PTPRD: variants seen among roughly 807,000 people sequenced by gnomAD.
The protein encoded by PTPRD is receptor-type tyrosine-protein phosphatase delta.
Under a neutral mutation model 214.5 loss-of-function variants are expected in PTPRD, and 34 were observed. That is an observed-to-expected ratio of 0.16 (90% CI 0.12 to 0.21). The LOEUF is 0.21. Ranked by LOEUF, PTPRD falls within the 10% of genes least tolerant of loss-of-function variation. PTPRD has a pLI of 1.00. For synonymous variants in PTPRD, 1,128 were observed against 845.7 expected (o/e 1.33, Z -5.79); for missense variants, 2,545 against 2,398.7 (o/e 1.06, Z -1.27).
chr9:8,534,240 C>A (rs749126119), intron 14 of PTPRD, among the ~76,000 whole-genome samples: 1 of 151,856 alleles, frequency 6.6e-6, no homozygotes, highest in Non-Finnish European at 1.5e-5. Context: ...AGAAGCATGA[C>A]CACATGACAA....
At chr9:9,789,474 A>C (rs916254426) in intron 5 of PTPRD, among the ~76,000 whole-genome samples, 24 of 152,252 alleles carry the variant, frequency 1.6e-4, no homozygotes, top group African/African-American at 5.8e-4. Context: ...ACTGAGGGGG[A>C]GATAATCGAC....
rs548792046 is a variant in PTPRD at position 10,333,764 on chromosome 9, T to C, written c.-545+7199A>G. Among the ~76,000 whole-genome samples the C allele has an allele frequency of 5.3e-5, 8 of 151,946 alleles. No homozygotes were observed. In the South Asian group the frequency reaches 1.7e-3, roughly 31 times the overall value. Reference sequence around the variant, plus strand: ...GAAGCACAGTGCTGTTAGAAAAGTCTTATTTCTTCTCCTGTACATTTTAGG... The same window carrying C: ...GAAGCACAGTGCTGTTAGAAAAGTCCTATTTCTTCTCCTGTACATTTTAGG... On this transcript the variant is annotated intron_variant, in intron 3 of 45. Coordinates refer to ENST00000381196, the MANE Select transcript of PTPRD (RefSeq NM_002839.4).
chr9:9,448,098 A>G (rs2091042176), intron 8 of PTPRD, among the ~76,000 whole-genome samples: 1 of 152,088 alleles, frequency 6.6e-6, no homozygotes. Context: ...GAAGAAAGGA[A>G]GGGTATGAAG....
intron 5 of PTPRD, among the ~76,000 whole-genome samples, chr9:9,773,925 T>C (rs2098774770): frequency 6.6e-6 from 1 of 152,318 alleles, no homozygotes. Context: ...TTAAATTATT[T>C]TTCCACCATA....
chr9:10,019,693 C>T (rs1398928167), intron 4 of PTPRD, among the ~76,000 whole-genome samples: 4 of 151,646 alleles, frequency 2.6e-5, no homozygotes, highest in East Asian at 1.9e-4. Context: ...AACTAAACAC[C>T]GCATGTTCTC....
rs111557185 is a variant in PTPRD at position 9,871,474 on chromosome 9, C to A, written c.-368+67033G>T. Among the ~76,000 whole-genome samples, 31 of 152,286 alleles carry A rather than the reference C, an allele frequency of 2.0e-4. 1 individual carries two copies. The highest frequency in any genetic ancestry group is 7.2e-4 in the African/African-American group (30 of 41,574). The stretch of plus-strand genomic sequence containing the variant: ...TAGTATACGAAAGGATGGGTGAAAA[C>A]CAAGAGAGATTGGATTCAGGGGAGC... On this transcript the variant is annotated intron_variant, in intron 5 of 45. Coordinates refer to ENST00000381196, the MANE Select transcript of PTPRD (RefSeq NM_002839.4).
intron 14 of PTPRD, among the ~76,000 whole-genome samples, chr9:8,557,455 T>TATATATATATACATACACATAC: frequency 7.4e-5 from 10 of 135,640 alleles, no homozygotes; most frequent in African/African-American, 3.5e-4. Flanking sequence ...TATATATATA[T>TATATATATATACATACACATAC]ATTTGGGCCG....
intron 5 of PTPRD, among the ~76,000 whole-genome samples, chr9:9,866,878 C>A (rs28424274): frequency 0.085 from 12,938 of 152,122 alleles, 1,316 homozygotes; most frequent in African/African-American, 0.25. Context: ...TCAAATGTAT[C>A]TAGAACAACA....
chr9:10,466,127 G>A (rs972926247), intron 2 of PTPRD, among the ~76,000 whole-genome samples: 7 of 151,952 alleles, frequency 4.6e-5, no homozygotes, highest in African/African-American at 1.2e-4. Flanking sequence ...TTTTCTTCAC[G>A]GTATTTGTTT....
chr9:9,801,566 C>A (rs1294036745), intron 5 of PTPRD, among the ~76,000 whole-genome samples: 1 of 151,992 alleles, frequency 6.6e-6, no homozygotes, highest in East Asian at 1.9e-4. Context: ...ATTTCTGTGG[C>A]CACTGGAGAG....
rs569170185 is a variant in PTPRD at position 8,655,316 on chromosome 9, T to C, written c.65-18472A>G. 3.3e-5 allele frequency among the ~76,000 whole-genome samples: 5 copies of C among 152,328 alleles called. No individual in the cohort carries two copies. In the East Asian group the frequency reaches 9.7e-4, roughly 29 times the overall value. ...TTTGGGGAAATGTGTTTTATAATTGTAAGTAGAATTCATAGTTTGATCGCA... is the reference window on the plus strand; with the variant it reads ...TTTGGGGAAATGTGTTTTATAATTGCAAGTAGAATTCATAGTTTGATCGCA... On this transcript the variant is annotated intron_variant, in intron 12 of 45. Transcript: ENST00000381196.
At chr9:10,070,887 T>C (rs951403989) in intron 3 of PTPRD, among the ~76,000 whole-genome samples, 3 of 152,028 alleles carry the variant, frequency 2.0e-5, no homozygotes, top group South Asian at 2.1e-4. Flanking sequence ...GAGTCATGAG[T>C]CCACAAAAAT....
chr9:8,823,220 T>C (rs532143646), intron 11 of PTPRD, among the ~76,000 whole-genome samples: 3 of 152,280 alleles, frequency 2.0e-5, no homozygotes, highest in Non-Finnish European at 4.4e-5. Flanking sequence ...CCCCTTTGCC[T>C]GACCTCTAAA....
At chr9:8,797,386 A>C (rs937233130) in intron 11 of PTPRD, among the ~76,000 whole-genome samples, 37 of 152,204 alleles carry the variant, frequency 2.4e-4, no homozygotes, top group African/African-American at 8.4e-4. Flanking sequence ...CATTTTCCAA[A>C]GCTATCAAAT....
At chr9:9,167,329 TGTG>T (rs1177639018) in intron 10 of PTPRD, among the ~76,000 whole-genome samples, 1 of 66,908 alleles carries the variant, frequency 1.5e-5, no homozygotes. Flanking sequence ...ATATGGGGTT[TGTG>T]TGTGTGTGTG....
chr9:10,235,129 ATTTTG>A (rs1403039810), intron 3 of PTPRD, among the ~76,000 whole-genome samples: 1 of 151,918 alleles, frequency 6.6e-6, no homozygotes, highest in African/African-American at 2.4e-5. Context: ...TACACCCTCT[ATTTTG>A]TTTTAACAAT....
At chr9:9,898,658 T>A (rs1422030084) in intron 5 of PTPRD, among the ~76,000 whole-genome samples, 2 of 152,098 alleles carry the variant, frequency 1.3e-5, no homozygotes, top group African/African-American at 4.8e-5. Flanking sequence ...ATGTCACATA[T>A]GCTTTATATG....
At chr9:8,596,048 A>G (rs775718843) in intron 14 of PTPRD, among the ~76,000 whole-genome samples, 12 of 152,202 alleles carry the variant, frequency 7.9e-5, no homozygotes, top group African/African-American at 1.2e-4. Context: ...AGGCACAGGT[A>G]TCAGAGATTC....
intron 10 of PTPRD, among the ~76,000 whole-genome samples, chr9:9,086,939 T>A (rs2099767926): frequency 6.6e-6 from 1 of 152,046 alleles, no homozygotes; most frequent in Admixed American, 6.6e-5. Flanking sequence ...ACAGATGCCA[T>A]GGGGAAGAGA....
Sources: allele counts gnomAD v4.1 joint callset (sites outside exome capture counted in the v4.1 genomes callset), GRCh38; gene constraint gnomAD v4.1.1; transcripts MANE v1.5; gene names NCBI Gene and HGNC (gene_info 2026-07-23, HGNC 2026-07-21).